LHFPL6: variants seen among roughly 807,000 people sequenced by gnomAD.
The protein encoded by LHFPL6 is LHFPL tetraspan subfamily member 6, also known as LHFPL tetraspan subfamily member 6 protein.
LHFPL6 carries 9 observed loss-of-function variants against 20.6 expected under a neutral mutation model. That is an observed-to-expected ratio of 0.44 (90% confidence interval 0.26 to 0.76). The LOEUF is 0.76. LHFPL6 is among the 30% of genes least tolerant of loss of function. LHFPL6 has a pLI of 0.20. For synonymous variants in LHFPL6, 105 were observed against 98.7 expected, an observed-to-expected ratio of 1.06 and a Z score of -0.38; for missense variants, 218 against 253.5, an observed-to-expected ratio of 0.86 and a Z score of 0.95.
chr13:39,378,338 C>T (rs1566097600), intron 3 of LHFPL6, 90 bp downstream of exon 3: 10 of 1,039,930 alleles, frequency 9.6e-6, no homozygotes, highest in South Asian at 1.4e-5. Flanking sequence ...GGAGGTTTTT[C>T]TTATCTGTCC....
At chr13:39,511,321 C>G (rs574769258) in intron 2 of LHFPL6, among the ~76,000 whole-genome samples, 2 of 152,080 alleles carry the variant, frequency 1.3e-5, no homozygotes, top group South Asian at 4.1e-4. Context: ...CAATATTATA[C>G]ATACAGTCAT....
At chr13:39,549,823 T>C (rs1230808482) in intron 2 of LHFPL6, among the ~76,000 whole-genome samples, 1 of 152,054 alleles carries the variant, frequency 6.6e-6, no homozygotes, top group African/African-American at 2.4e-5. Context: ...CATGCAATGG[T>C]ATACTACTCA....
intron 2 of LHFPL6, among the ~76,000 whole-genome samples, chr13:39,593,992 A>T (rs1188414375): frequency 6.6e-6 from 1 of 152,154 alleles, no homozygotes; most frequent in Non-Finnish European, 1.5e-5. Flanking sequence ...CTTAAACGTT[A>T]GACCTAAAAC....
intron 2 of LHFPL6, among the ~76,000 whole-genome samples, chr13:39,560,157 T>C (rs1038210377): frequency 6.6e-6 from 1 of 152,174 alleles, no homozygotes; most frequent in African/African-American, 2.4e-5. Flanking sequence ...AAATCAACAT[T>C]AATAATAAGT....
chr13:39,448,127 C>T (rs552957730), intron 2 of LHFPL6, among the ~76,000 whole-genome samples: 115 of 152,308 alleles, frequency 7.6e-4, no homozygotes, highest in South Asian at 4.1e-3. Flanking sequence ...TACAGAGTTT[C>T]AGTGAGAGCA....
At chr13:39,398,862 T>G (rs1311162555) in intron 2 of LHFPL6, among the ~76,000 whole-genome samples, 6 of 152,200 alleles carry the variant, frequency 3.9e-5, no homozygotes, top group African/African-American at 1.4e-4. Context: ...TATGAGAATC[T>G]AATGCCTAAT....
At chr13:39,365,871 G>A (rs1264249298) in intron 3 of LHFPL6, among the ~76,000 whole-genome samples, 1 of 152,142 alleles carries the variant, frequency 6.6e-6, no homozygotes, top group Non-Finnish European at 1.5e-5. Context: ...ATCAAGCCGT[G>A]GATACCATTC....
chr13:39,437,720 G>A (rs1444583273), intron 2 of LHFPL6, among the ~76,000 whole-genome samples: 2 of 152,074 alleles, frequency 1.3e-5, no homozygotes, highest in Non-Finnish European at 2.9e-5. Flanking sequence ...GGCTAACACT[G>A]TGAAACCCCA....
chr13:39,516,241 A>T (rs1869911172), intron 2 of LHFPL6, among the ~76,000 whole-genome samples: 1 of 152,230 alleles, frequency 6.6e-6, no homozygotes, highest in Non-Finnish European at 1.5e-5. Context: ...AATGCCAAAC[A>T]TTTCTATCCT....
At chr13:39,513,082 T>C (rs1157750194) in intron 2 of LHFPL6, among the ~76,000 whole-genome samples, 1 of 152,252 alleles carries the variant, frequency 6.6e-6, no homozygotes, top group Non-Finnish European at 1.5e-5. Context: ...AAGCATCAAA[T>C]GGGCATTTTC....
intron 2 of LHFPL6, among the ~76,000 whole-genome samples, chr13:39,493,812 C>T (rs1869009998): frequency 6.6e-6 from 1 of 152,174 alleles, no homozygotes; most frequent in Non-Finnish European, 1.5e-5. Flanking sequence ...GACATCAGGG[C>T]TCATGGTGAT....
At chr13:39,365,353 C>T (rs186480881) in intron 3 of LHFPL6, among the ~76,000 whole-genome samples, 14 of 152,232 alleles carry the variant, frequency 9.2e-5, no homozygotes, top group East Asian at 3.9e-4. Flanking sequence ...TCTAGGTATC[C>T]GGTTACATAC....
chr13:39,557,850 T>C (rs1369203798), intron 2 of LHFPL6, among the ~76,000 whole-genome samples: 1 of 152,180 alleles, frequency 6.6e-6, no homozygotes, highest in African/African-American at 2.4e-5. Context: ...CCCTTGATGA[T>C]GAGTGAGTTC....
intron 2 of LHFPL6, among the ~76,000 whole-genome samples, chr13:39,443,614 C>T (rs113518819): frequency 3.3e-5 from 5 of 151,858 alleles, no homozygotes; most frequent in East Asian, 1.9e-4. Context: ...AATCTTCCTA[C>T]GGATTACTTA....
chr13:39,360,009 G>A (rs1189786357), intron 3 of LHFPL6, among the ~76,000 whole-genome samples: 3 of 151,160 alleles, frequency 2.0e-5, no homozygotes, highest in Non-Finnish European at 4.4e-5. Context: ...GAGGAGACAG[G>A]ATTTTGTTTT....
At chr13:39,383,310 A>G (rs957258094) in intron 2 of LHFPL6, among the ~76,000 whole-genome samples, 2 of 152,254 alleles carry the variant, frequency 1.3e-5, no homozygotes, top group South Asian at 4.1e-4. Flanking sequence ...TTTTCCATTA[A>G]ATGGAAGTGG....
chr13:39,384,245 G>A (rs999419354), intron 2 of LHFPL6, among the ~76,000 whole-genome samples: 32 of 152,300 alleles, frequency 2.1e-4, no homozygotes, highest in African/African-American at 7.2e-4. Flanking sequence ...AGTGTAGAGA[G>A]CAATATTCTA....
chr13:39,522,508 C>G (rs1870142051), intron 2 of LHFPL6, among the ~76,000 whole-genome samples: 1 of 152,224 alleles, frequency 6.6e-6, no homozygotes, highest in Non-Finnish European at 1.5e-5. Flanking sequence ...CTGTTCCACA[C>G]ACACAGCCTG....
intron 2 of LHFPL6, among the ~76,000 whole-genome samples, chr13:39,410,834 A>G (rs901927303): frequency 1.3e-5 from 2 of 152,226 alleles, no homozygotes; most frequent in South Asian, 4.1e-4. Context: ...AGGTTATTGA[A>G]TCAAGAAGTC....
Sources: gnomAD v4.1 joint callset for allele counts (sites outside exome capture counted in the v4.1 genomes callset) on GRCh38, gnomAD v4.1.1 for gene constraint, MANE v1.5 for transcripts, NCBI Gene and HGNC (gene_info 2026-07-23, HGNC 2026-07-21) for gene names.